RABGAP1L: variants seen among roughly 807,000 people sequenced by gnomAD.
RABGAP1L encodes RAB GTPase activating protein 1 like.
A neutral mutation model predicts 137.7 loss-of-function variants in RABGAP1L; 63 were observed. The ratio of observed to expected loss-of-function variants is 0.46; its 90% confidence interval spans 0.37 to 0.56. The LOEUF (loss-of-function observed/expected upper bound fraction) is 0.56. Ranked by LOEUF, RABGAP1L falls within the 20% of genes least tolerant of loss-of-function variation. The pLI is 0.00. For synonymous variants in RABGAP1L, 431 were observed against 433.7 expected, an observed-to-expected ratio of 0.99 and a Z score of 0.08; for missense variants, 1,095 against 1,244.0, an observed-to-expected ratio of 0.88 and a Z score of 1.80.
chr1:174,539,650 C>T (rs1572228146), intron 13 of RABGAP1L, among the ~76,000 whole-genome samples: 1 of 152,184 alleles, frequency 6.6e-6, no homozygotes, highest in South Asian at 2.1e-4. Flanking sequence ...GCATACTATT[C>T]CATGGTGTAT....
In RABGAP1L at chr1:174,761,348, G is replaced by A. The variant is rs536513039; in HGVS notation, c.2211+8994G>A. Among the ~76,000 whole-genome samples, 7 of 152,230 alleles carry A rather than the reference G, an allele frequency of 4.6e-5. No homozygotes were observed. In the South Asian group the frequency reaches 1.2e-3, roughly 27 times the overall value. On this transcript the variant is annotated intron_variant, in intron 18 of 25. Coordinates refer to ENST00000681986, the MANE Select transcript of RABGAP1L (RefSeq NM_001366446.1). The surrounding 1 kb of genome is among the most constrained non-coding windows in gnomAD (Gnocchi z 4.0). ...GGTTGCACAGCAGTCCGGCAGAGGC[G>A]CTCCTCACTTGCCAGACAGTGCGGG...
intron 14 of RABGAP1L, among the ~76,000 whole-genome samples, chr1:174,651,513 G>A (rs1396128425): frequency 6.6e-6 from 1 of 152,168 alleles, no homozygotes; most frequent in East Asian, 1.9e-4. Context: ...ATGAATCTGG[G>A]TGCTCCTGTA....
intron 11 of RABGAP1L, chr1:174,367,012 T>G (rs561978608): frequency 6.6e-6 from 1 of 152,284 alleles, no homozygotes; most frequent in African/African-American, 2.4e-5. Flanking sequence ...AATTTTGAAG[T>G]AAAGTTTCTG....
At chr1:174,780,707 A>T (rs1232271857) in intron 18 of RABGAP1L, among the ~76,000 whole-genome samples, 13 of 130,542 alleles carry the variant, frequency 1.0e-4, no homozygotes, top group Admixed American at 7.8e-4. Context: ...TCCTAATGCT[A>T]TCCCTCCCCC....
chr1:174,862,553 C>T (rs1650434319), intron 19 of RABGAP1L, among the ~76,000 whole-genome samples: 1 of 152,154 alleles, frequency 6.6e-6, no homozygotes, highest in African/African-American at 2.4e-5. Flanking sequence ...GTACCCATCT[C>T]ATTTGGTGCT....
At chr1:174,239,492 A>G (rs1387167224) in intron 4 of RABGAP1L, among the ~76,000 whole-genome samples, 1 of 151,974 alleles carries the variant, frequency 6.6e-6, no homozygotes, top group Non-Finnish European at 1.5e-5. Context: ...TTTTTGTTTC[A>G]TCTTAGTAAA....
chr1:174,560,143 A>G (rs892145172), intron 13 of RABGAP1L, among the ~76,000 whole-genome samples: 7 of 152,112 alleles, frequency 4.6e-5, no homozygotes, highest in African/African-American at 1.7e-4. Context: ...CAGAAAAAAA[A>G]AAAAAAAGTT....
chr1:174,581,369 A>G (rs10157872), intron 13 of RABGAP1L, among the ~76,000 whole-genome samples: 16,481 of 152,280 alleles, frequency 0.11, 997 homozygotes, highest in East Asian at 0.22. Flanking sequence ...AAAAGGAATG[A>G]AGCATTGATG....
At chr1:174,383,992 G>C (rs1686489541) in intron 12 of RABGAP1L, among the ~76,000 whole-genome samples, 1 of 152,102 alleles carries the variant, frequency 6.6e-6, no homozygotes, top group Admixed American at 6.6e-5. Flanking sequence ...GTTTATGATA[G>C]CCTTGCTCAT....
chr1:174,370,428 A>G (rs1442043916), intron 11 of RABGAP1L, among the ~76,000 whole-genome samples: 1 of 149,248 alleles, frequency 6.7e-6, no homozygotes, highest in Non-Finnish European at 1.5e-5. Flanking sequence ...GCCATATAAA[A>G]AGGCCAGTTT....
In RABGAP1L at chr1:174,200,679, A is replaced by G. The variant is rs138677789; in HGVS notation, c.-33-18446A>G. ...TTCTGTGCTTTTTTGTTTACTTGAC[A>G]TTTCTGGGATTGAGATCATGTTTGT... On this transcript the variant is annotated intron_variant, in intron 1 of 25. Coordinates refer to ENST00000681986, the MANE Select transcript of RABGAP1L (RefSeq NM_001366446.1). Among the ~76,000 whole-genome samples the G allele has an allele frequency of 1.2e-4, 18 of 152,194 alleles. 1 individual carries two copies. The East Asian group carries it at 3.1e-3, about 26-fold the overall frequency.
chr1:174,987,539 A>C (rs890517036), intron 24 of RABGAP1L, among the ~76,000 whole-genome samples: 6 of 152,226 alleles, frequency 3.9e-5, no homozygotes, highest in Admixed American at 3.9e-4. Flanking sequence ...CAAAGTCGTC[A>C]GGCCCAAATG....
At chr1:174,528,206 T>G (rs547928924) in intron 13 of RABGAP1L, among the ~76,000 whole-genome samples, 2 of 152,314 alleles carry the variant, frequency 1.3e-5, no homozygotes, top group Admixed American at 1.3e-4. Flanking sequence ...TTTGGTTCTT[T>G]TCTATATTTT....
intron 13 of RABGAP1L, among the ~76,000 whole-genome samples, chr1:174,467,534 G>A (rs535716951): frequency 3.9e-5 from 6 of 152,098 alleles, no homozygotes; most frequent in East Asian, 3.9e-4. Flanking sequence ...GAGAAATAAC[G>A]TTTCTACTAA....
chr1:174,865,969 G>A (rs1194912584), intron 19 of RABGAP1L, among the ~76,000 whole-genome samples: 1 of 152,082 alleles, frequency 6.6e-6, no homozygotes, highest in Non-Finnish European at 1.5e-5. Context: ...AGGATAACTA[G>A]AGTGAAGTTT....
chr1:174,878,812 A>G (rs988189151), intron 19 of RABGAP1L, among the ~76,000 whole-genome samples: 1 of 152,096 alleles, frequency 6.6e-6, no homozygotes, highest in Non-Finnish European at 1.5e-5. Context: ...TTTAAATGCT[A>G]ATTTGAACAA....
At chr1:174,654,935 C>A (rs2148403173) in intron 14 of RABGAP1L, among the ~76,000 whole-genome samples, 1 of 108,344 alleles carries the variant, frequency 9.2e-6, no homozygotes, top group East Asian at 2.7e-4. Flanking sequence ...AATGTAATAA[C>A]CTTTTTTAAA....
intron 13 of RABGAP1L, among the ~76,000 whole-genome samples, chr1:174,630,044 T>G (rs1373491813): frequency 1.3e-5 from 2 of 151,008 alleles, no homozygotes; most frequent in Non-Finnish European, 3.0e-5. Flanking sequence ...CATAGATAGC[T>G]CTTATTATTT....
In RABGAP1L at chr1:174,988,769, G is replaced by A. The variant is rs1574088942; in HGVS notation, c.2934G>A (p.Gln978=). The change falls in exon 25 of 26, where the codon CAG becomes CAA. Residue 978 remains glutamine, a synonymous_variant. Transcript: ENST00000681986. ...TDDEKDSLKK[Q]LREMELELAQ... is the part of the protein sequence containing the mutation. Reference sequence around the variant, plus strand: ...ATGAGAAGGACTCACTTAAGAAGCAGCTGAGAGAGATGGAACTGGAACTGG... The same window carrying A: ...ATGAGAAGGACTCACTTAAGAAGCAACTGAGAGAGATGGAACTGGAACTGG... 2 of 1,550,224 alleles carry A rather than the reference G, an allele frequency of 1.3e-6. No homozygotes were observed. Among genetic ancestry groups the A allele is most frequent in the Non-Finnish European group, 1.7e-6 (2 of 1,146,770 alleles).
Sources: allele counts gnomAD v4.1 joint callset (sites outside exome capture counted in the v4.1 genomes callset), GRCh38; gene constraint gnomAD v4.1.1; non-coding constraint Gnocchi (gnomAD v3.1); transcripts MANE v1.5; gene names NCBI Gene and HGNC (gene_info 2026-07-23, HGNC 2026-07-21).